The following CDH23 variants were observed in gnomAD, a reference collection of about 807,000 sequenced individuals.
CDH23 encodes cadherin-23.
CDH23 carries 189 observed loss-of-function variants against 317.1 expected under a neutral mutation model. The observed-to-expected ratio is 0.60, with a 90% CI of 0.53 to 0.67. The LOEUF is 0.67. Among genes scored for constraint, CDH23 ranks in the 30% least tolerant of loss-of-function variants. CDH23 has a pLI of 0.00. For missense variants in CDH23, 4,401 were observed against 4,592.4 expected, an observed-to-expected ratio of 0.96 and a Z score of 1.20; for synonymous variants, 1,839 against 1,876.8, an observed-to-expected ratio of 0.98 and a Z score of 0.52.
At chr10:71,611,447 A>G (rs940528641) in intron 9 of CDH23, among the ~76,000 whole-genome samples, 1 of 152,212 alleles carries the variant, frequency 6.6e-6, no homozygotes, top group African/African-American at 2.4e-5. Context: ...AAACAGCTGT[A>G]GGCACAGGCT....
intron 6 of CDH23, among the ~76,000 whole-genome samples, chr10:71,555,433 GTGTCAC>G (rs1856827521): frequency 6.6e-6 from 1 of 152,178 alleles, no homozygotes; most frequent in South Asian, 2.1e-4. Context: ...TCAGCCTATA[GTGTCAC>G]TGTTATGAAC....
chr10:71,755,176 T>C, intron 38 of CDH23: 1 of 696,552 alleles, frequency 1.4e-6, no homozygotes, highest in Non-Finnish European at 2.6e-6. Flanking sequence ...CCCCCGGAAA[T>C]GGCATGCCTC....
At chr10:71,592,036 A>G (rs1859527269) in intron 9 of CDH23, among the ~76,000 whole-genome samples, 1 of 152,158 alleles carries the variant, frequency 6.6e-6, no homozygotes, top group Admixed American at 6.5e-5. Flanking sequence ...AGACTGCAGA[A>G]AGGGAAAGAT....
intron 6 of CDH23, among the ~76,000 whole-genome samples, chr10:71,547,904 T>C (rs1856372282): frequency 6.6e-6 from 1 of 152,186 alleles, no homozygotes; most frequent in South Asian, 2.1e-4. Flanking sequence ...TCAACTGCTG[T>C]GGCCAGGGCT....
rs758305358 is a variant in CDH23 at position 71,645,881 on chromosome 10, C to T, written c.1191C>T (p.His397=). Residue 397 remains histidine, a synonymous_variant, in exon 13 of 70, where the codon CAC becomes CAT. Coordinates refer to ENST00000224721, the MANE Select transcript of CDH23 (RefSeq NM_022124.6). ...EVYLVGNNSH[H]FIISPTSVQG... ...ACTTGGTGGGGAACAACTCCCACCA[C>T]TTCATCATCTCCCCGACCTCCGTCC... 6 of 1,613,482 alleles carry T rather than the reference C, an allele frequency of 3.7e-6. No individual in the cohort carries two copies. The highest frequency in any genetic ancestry group is 5.1e-6 in the Non-Finnish European group (6 of 1,179,566).
intron 29 of CDH23, among the ~76,000 whole-genome samples, 185 bp from the exon 30 acceptor site, chr10:71,725,187 C>G (rs561359731): frequency 1.3e-5 from 2 of 152,326 alleles, no homozygotes; most frequent in East Asian, 3.9e-4. Flanking sequence ...GATGGCCTGT[C>G]TGCCTTGCCC....
intron 3 of CDH23, among the ~76,000 whole-genome samples, chr10:71,471,384 G>A (rs1051087230): frequency 3.3e-5 from 5 of 152,120 alleles, no homozygotes; most frequent in African/African-American, 4.8e-5. Context: ...GTTCCTCAGG[G>A]ACCCCTGCTT....
At chr10:71,570,368 G>A (rs1857706683) in intron 7 of CDH23, among the ~76,000 whole-genome samples, 1 of 152,218 alleles carries the variant, frequency 6.6e-6, no homozygotes, top group Non-Finnish European at 1.5e-5. Context: ...GGCACAGAGA[G>A]GGGTGGTGAC....
chr10:71,541,223 A>T (rs1855970927), intron 6 of CDH23, among the ~76,000 whole-genome samples: 1 of 152,104 alleles, frequency 6.6e-6, no homozygotes. Flanking sequence ...GCCTCTTGGT[A>T]TGCCAAGGCC....
intron 45 of CDH23, among the ~76,000 whole-genome samples, chr10:71,789,995 G>C (rs1418925387): frequency 6.6e-6 from 1 of 152,226 alleles, no homozygotes; most frequent in Non-Finnish European, 1.5e-5. Context: ...CCCTCCCGAG[G>C]AGCGGCCAGC....
chr10:71,687,698 G>A lies in CDH23; in HGVS notation c.2038G>A (p.Val680Met), dbSNP rs760334573. Reference protein sequence around the residue: ...TFSKPAYFVSVVENIMAGATV... With the variant: ...TFSKPAYFVSMVENIMAGATV... ...CAGCAAGCCCGCCTACTTCGTCTCC[G>A]TGGTGGAGAACATCATGGCAGGTAC... Residue 680 changes from valine to methionine, a missense_variant, in exon 19 of 70, where the codon GTG becomes ATG. Physicochemically the swap from Val to Met is conservative, Grantham distance 21. This residue lies in a region of CDH23 where 3,068 missense variants were observed against 3,203.3 expected (regional missense o/e 0.96). Transcript: ENST00000224721. 41 of 1,613,688 alleles carry A rather than the reference G, an allele frequency of 2.5e-5. No homozygotes were observed. The highest frequency in any genetic ancestry group is 3.3e-4 in the Middle Eastern group (2 of 6,084).
intron 28 of CDH23, chr10:71,716,227 G>A (rs1251546239): frequency 6.4e-7 from 1 of 1,550,734 alleles, no homozygotes; most frequent in Admixed American, 2.0e-5. Flanking sequence ...CGATGAGCAT[G>A]GGGAGGGGGT....
rs188288857 is a variant in CDH23 at position 71,547,791 on chromosome 10, T to C, written c.430-18951T>C. Among the ~76,000 whole-genome samples the C allele has an allele frequency of 9.2e-5, 14 of 152,324 alleles. No individual in the cohort carries two copies. In the East Asian group the frequency reaches 1.7e-3, roughly 19 times the overall value. On this transcript the variant is annotated intron_variant, in intron 6 of 69. Transcript: ENST00000224721. The stretch of plus-strand genomic sequence containing the variant: ...GGACACAGTTTCCAGAGTTTGTTCT[T>C]AGGCGTGCTGAATCTATGCCGTCTT...
chr10:71,565,385 C>A (rs1857342178), intron 6 of CDH23, among the ~76,000 whole-genome samples: 1 of 152,026 alleles, frequency 6.6e-6, no homozygotes, highest in African/African-American at 2.4e-5. Flanking sequence ...GAAGTAAGAC[C>A]CCAAACTCTT....
intron 3 of CDH23, among the ~76,000 whole-genome samples, chr10:71,456,168 G>A (rs970038268): frequency 6.6e-6 from 1 of 150,976 alleles, no homozygotes; most frequent in African/African-American, 2.4e-5. Flanking sequence ...TCCTGGGGCT[G>A]TTGGCAAGTG....
chr10:71,532,727 G>GTTTTTTTTTTTTTTTTTT (rs200038577), intron 6 of CDH23, among the ~76,000 whole-genome samples: 24 of 93,916 alleles, frequency 2.6e-4, no homozygotes, highest in Non-Finnish European at 5.3e-4. Flanking sequence ...TTTTTTTTTT[G>GTTTTTTTTTTTTTTTTTT]TTTTTTTTTT....
chr10:71,761,491 T>C lies in CDH23; in HGVS notation c.4846-16189T>C. The C allele has an allele frequency of 4.6e-6, 6 of 1,301,092 alleles. No individual in the cohort carries two copies. The South Asian group carries it at 9.2e-5, about 20-fold the overall frequency. 80.6% of individuals were successfully genotyped at this position (1,301,092 alleles called of 1,614,324 possible). On this transcript the variant is annotated intron_variant, in intron 38 of 69. Transcript: ENST00000224721. ...CACACACTCCCTGGAGTGCCAGTGT[T>C]ACCCATGCAGCCTCACACTCTGCCC...
At chr10:71,772,373 T>C (rs534293007) in intron 38 of CDH23, among the ~76,000 whole-genome samples, 1 of 152,296 alleles carries the variant, frequency 6.6e-6, no homozygotes, top group East Asian at 1.9e-4. Context: ...TCCGAGTCCC[T>C]GCATGACTCA....
rs115501448 is a variant in CDH23 at position 71,446,171 on chromosome 10, G to A, written c.68-147G>A. 1,401 of 754,306 alleles carry A rather than the reference G, an allele frequency of 1.9e-3. 17 individuals are homozygous for A. In the African/African-American group the frequency reaches 0.021, roughly 11 times the overall value. The allele number at this position is 754,306 out of a possible 1,614,324, so 46.7% of individuals were successfully genotyped here. A position where few individuals can be genotyped will look rare whatever the true frequency, so the allele number is the denominator to read the frequency against. On this transcript the variant is annotated intron_variant, in intron 2 of 69. Coordinates refer to ENST00000224721, the MANE Select transcript of CDH23 (RefSeq NM_022124.6). Reference sequence around the variant, plus strand: ...TTGTCCCCCACTTGCCTTGAGGCAGGATAGTGACTTCCAGGGTCCTGGGAA... The same window carrying A: ...TTGTCCCCCACTTGCCTTGAGGCAGAATAGTGACTTCCAGGGTCCTGGGAA...
Sources: gnomAD v4.1 joint callset for allele counts (sites outside exome capture counted in the v4.1 genomes callset) on GRCh38, gnomAD v4.1.1 for gene constraint, gnomAD v4.1.1 regional missense constraint, MANE v1.5 for transcripts, NCBI Gene and HGNC (gene_info 2026-07-23, HGNC 2026-07-21) for gene names.